The following RIMS2 variants were observed in gnomAD, a reference collection of about 807,000 sequenced individuals.
The protein encoded by RIMS2 is regulating synaptic membrane exocytosis 2.
Under a neutral mutation model 174.4 loss-of-function variants are expected in RIMS2, and 59 were observed. That is an observed-to-expected ratio of 0.34 (90% CI 0.27 to 0.42). RIMS2 has a LOEUF of 0.42. Among genes scored for constraint, RIMS2 ranks in the 10% least tolerant of loss-of-function variants. The probability of loss-of-function intolerance (pLI) is 1.00; values close to 1 mark genes in which losing one functional copy is unlikely to be tolerated. For synonymous variants in RIMS2, 606 were observed against 572.5 expected, an observed-to-expected ratio of 1.06 and a Z score of -0.84; for missense variants, 1,620 against 1,666.3, an observed-to-expected ratio of 0.97 and a Z score of 0.48.
chr8:103,813,412 C>CTTTCTTTCTTTCTTTATTTA (rs542732882), intron 3 of RIMS2, among the ~76,000 whole-genome samples: 2 of 151,568 alleles, frequency 1.3e-5, no homozygotes, highest in African/African-American at 4.9e-5. Context: ...TTCTTTCTTT[C>CTTTCTTTCTTTCTTTATTTA]TTTATTATAC....
Position 104,068,616 on chromosome 8 carries a change from A to G in RIMS2, c.3334+54001A>G. The G allele has an allele frequency of 6.9e-7, 1 of 1,450,594 alleles. No individual in the cohort carries two copies. Among genetic ancestry groups the G allele is most frequent in the East Asian group, 2.4e-5 (1 of 42,140 alleles). The allele number at this position is 1,450,594 out of a possible 1,614,324, so 89.9% of individuals were successfully genotyped here. The stretch of plus-strand genomic sequence containing the variant: ...GGAACAAGATTACCATTCGAAGGCA[A>G]GACATTTTTCTTTTTAAAAGTTGTA... On this transcript the variant is annotated intron_variant, in intron 19 of 23. Coordinates refer to ENST00000504942, the Ensembl canonical transcript of RIMS2.
chr8:103,730,883 T>C (rs1222584753), intron 2 of RIMS2, among the ~76,000 whole-genome samples: 1 of 152,202 alleles, frequency 6.6e-6, no homozygotes, highest in Admixed American at 6.5e-5. Flanking sequence ...GATAAATGCA[T>C]ATCCGAGACT....
intron 3 of RIMS2, among the ~76,000 whole-genome samples, chr8:103,836,303 C>T (rs537655270): frequency 1.3e-5 from 2 of 152,208 alleles, no homozygotes; most frequent in Admixed American, 6.5e-5. Flanking sequence ...GTAACCCCAC[C>T]CCTTTGGGAA....
chr8:103,792,695 A>G (rs1474319425), intron 3 of RIMS2, among the ~76,000 whole-genome samples: 1 of 151,538 alleles, frequency 6.6e-6, no homozygotes, highest in African/African-American at 2.4e-5. Context: ...CAAGACTAAT[A>G]AAGAAGAAAA....
chr8:103,968,181 G>C (rs928474419), intron 15 of RIMS2, among the ~76,000 whole-genome samples: 4 of 151,866 alleles, frequency 2.6e-5, no homozygotes, highest in African/African-American at 9.7e-5. Context: ...AACTTCTTTT[G>C]ATTAGTGTTA....
chr8:104,094,427 C>CTT, intron 19 of RIMS2: 2 of 586,278 alleles, frequency 3.4e-6, no homozygotes, highest in South Asian at 2.2e-5. Flanking sequence ...TCTTGACTTT[C>CTT]TTTTTTTGTG....
intron 1 of RIMS2, among the ~76,000 whole-genome samples, chr8:103,515,372 C>A (rs1329740189): frequency 6.6e-6 from 1 of 152,166 alleles, no homozygotes; most frequent in Non-Finnish European, 1.5e-5. Context: ...TTCAGATGTT[C>A]TAAACTCAGT....
intron 2 of RIMS2, among the ~76,000 whole-genome samples, chr8:103,721,788 T>G (rs1385532395): frequency 6.6e-6 from 1 of 152,140 alleles, no homozygotes; most frequent in Non-Finnish European, 1.5e-5. Flanking sequence ...ATACCATCAG[T>G]GAGAGTTTAT....
chr8:104,075,003 A>T (rs1018880371), intron 19 of RIMS2, among the ~76,000 whole-genome samples: 1 of 152,210 alleles, frequency 6.6e-6, no homozygotes, highest in Non-Finnish European at 1.5e-5. Context: ...AGACATGAAG[A>T]AATAAGAGTT....
intron 2 of RIMS2, among the ~76,000 whole-genome samples, chr8:103,710,533 ATTATT>A (rs1212823826): frequency 6.6e-6 from 1 of 152,158 alleles, no homozygotes; most frequent in African/African-American, 2.4e-5. Context: ...TAAGAAAACA[ATTATT>A]TTGTAATTAT....
intron 1 of RIMS2, among the ~76,000 whole-genome samples, chr8:103,581,350 A>G (rs1405021282): frequency 6.6e-6 from 1 of 152,230 alleles, no homozygotes; most frequent in Non-Finnish European, 1.5e-5. Context: ...AATACATCAC[A>G]TTAAAAGAAC....
rs946097176 is a variant in RIMS2, at chr8:104,004,447, T to A, written c.3045-8995T>A. On this transcript the variant is annotated intron_variant, in intron 17 of 23. Coordinates refer to ENST00000504942, the Ensembl canonical transcript of RIMS2. ...GTAAAAATAATGAATGAAAAATGCC[T>A]GTTGGATATGTCAAGTGAGGTGTCA... 5.3e-5 allele frequency among the ~76,000 whole-genome samples: 8 copies of A among 152,076 alleles called. 1 individual carries two copies. Among genetic ancestry groups the A allele is most frequent in the Middle Eastern group, 3.2e-3 (1 of 316 alleles).
At chr8:103,894,891 A>G (rs1374198599) in intron 4 of RIMS2, among the ~76,000 whole-genome samples, 2 of 151,596 alleles carry the variant, frequency 1.3e-5, no homozygotes, top group Admixed American at 6.6e-5. Flanking sequence ...ATTACAGTAC[A>G]GTATGCATTG....
intron 4 of RIMS2, among the ~76,000 whole-genome samples, chr8:103,887,248 T>A (rs1346559232): frequency 6.6e-6 from 1 of 151,732 alleles, no homozygotes; most frequent in African/African-American, 2.4e-5. Context: ...TGCCCATCTT[T>A]CTCTGGGTAT....
chr8:103,828,382 C>G (rs2098804701), intron 3 of RIMS2, among the ~76,000 whole-genome samples: 1 of 152,146 alleles, frequency 6.6e-6, no homozygotes, highest in African/African-American at 2.4e-5. Flanking sequence ...TGTATGTCTT[C>G]TTTTGAGATG....
At chr8:103,849,519 T>C (rs1015222566) in intron 3 of RIMS2, among the ~76,000 whole-genome samples, 8 of 151,984 alleles carry the variant, frequency 5.3e-5, no homozygotes, top group Non-Finnish European at 1.0e-4. Context: ...TGGAGAGTTG[T>C]TTTTTGAGTG....
At chr8:103,773,137 A>C (rs2098272011) in intron 3 of RIMS2, among the ~76,000 whole-genome samples, 2 of 151,658 alleles carry the variant, frequency 1.3e-5, no homozygotes, top group Admixed American at 1.3e-4. Flanking sequence ...CTAATTCTAT[A>C]AAATGAAAAA....
intron 9 of RIMS2, among the ~76,000 whole-genome samples, chr8:103,921,371 G>T (rs1279864430): frequency 6.6e-6 from 1 of 152,000 alleles, no homozygotes; most frequent in Non-Finnish European, 1.5e-5. Flanking sequence ...ATATGTCATT[G>T]TAAGATATGA....
At chr8:103,669,422 C>T (rs778438848) in intron 1 of RIMS2, among the ~76,000 whole-genome samples, 35 of 152,170 alleles carry the variant, frequency 2.3e-4, no homozygotes, top group Non-Finnish European at 4.1e-4. Flanking sequence ...ACCAATTATG[C>T]CTTCCCAACA....
Sources: gnomAD v4.1 joint callset for allele counts (sites outside exome capture counted in the v4.1 genomes callset) on GRCh38, gnomAD v4.1.1 for gene constraint, MANE v1.5 for transcripts, NCBI Gene and HGNC (gene_info 2026-07-23, HGNC 2026-07-21) for gene names.